The following STAG1 variants were observed in gnomAD, a reference collection of about 807,000 sequenced individuals.
STAG1 encodes STAG1 cohesin complex component.
STAG1 carries 26 observed loss-of-function variants against 170.9 expected under a neutral mutation model. The observed-to-expected ratio is 0.15, with a 90% CI of 0.11 to 0.21. The LOEUF (loss-of-function observed/expected upper bound fraction) is 0.21. Ranked by LOEUF, STAG1 falls within the 10% of genes least tolerant of loss-of-function variation. The pLI, the probability that STAG1 is intolerant of heterozygous loss-of-function variation, is 1.00. For synonymous variants in STAG1, 514 were observed against 497.7 expected, an observed-to-expected ratio of 1.03 and a Z score of -0.44; for missense variants, 964 against 1,509.5, an observed-to-expected ratio of 0.64 and a Z score of 5.99.
intron 1 of STAG1, among the ~76,000 whole-genome samples, chr3:136,733,038 T>C (rs538374303): frequency 5.5e-4 from 83 of 152,190 alleles, no homozygotes; most frequent in Non-Finnish European, 1.1e-3. Flanking sequence ...ATAAATGATC[T>C]TTGGATCTAT....
intron 13 of STAG1, among the ~76,000 whole-genome samples, chr3:136,464,490 G>A (rs909107487): frequency 1.3e-5 from 2 of 151,636 alleles, no homozygotes; most frequent in Non-Finnish European, 2.9e-5. Context: ...AAATTTGGAA[G>A]GCATTTTAAA....
At chr3:136,693,787 T>C (rs1942799978) in intron 1 of STAG1, among the ~76,000 whole-genome samples, 1 of 151,930 alleles carries the variant, frequency 6.6e-6, no homozygotes, top group African/African-American at 2.4e-5. Context: ...CAGGCTGGTA[T>C]CAAATTCCCA....
chr3:136,691,350 G>C (rs553985033), intron 1 of STAG1, among the ~76,000 whole-genome samples: 1 of 151,810 alleles, frequency 6.6e-6, no homozygotes. Context: ...CAGAAGAATG[G>C]CATGAACCAG....
chr3:136,382,001 T>C (rs1937993764), intron 22 of STAG1, among the ~76,000 whole-genome samples: 1 of 152,220 alleles, frequency 6.6e-6, no homozygotes, highest in Admixed American at 6.5e-5. Flanking sequence ...ATATAGTAGA[T>C]ATTTAATAAA....
chr3:136,375,261 A>C (rs1193052405), intron 23 of STAG1, among the ~76,000 whole-genome samples: 1 of 152,236 alleles, frequency 6.6e-6, no homozygotes, highest in Non-Finnish European at 1.5e-5. Flanking sequence ...CTTTGAATAC[A>C]TTTGTACACA....
intron 4 of STAG1, among the ~76,000 whole-genome samples, chr3:136,569,979 G>T (rs1002496406): frequency 6.6e-6 from 1 of 152,110 alleles, no homozygotes; most frequent in African/African-American, 2.4e-5. Context: ...CAGTGGGCAG[G>T]ATTGTTTGAG....
At chr3:136,651,637 C>T (rs537071894) in intron 1 of STAG1, among the ~76,000 whole-genome samples, 75 of 152,084 alleles carry the variant, frequency 4.9e-4, no homozygotes, top group Non-Finnish European at 3.2e-4. Context: ...ATATTTCCAA[C>T]TTTCTCTCTC....
intron 1 of STAG1, among the ~76,000 whole-genome samples, chr3:136,657,139 T>C (rs149149884): frequency 1.9e-3 from 279 of 150,404 alleles, no homozygotes; most frequent in East Asian, 4.9e-3. Context: ...AAGTGGCCAG[T>C]GTATAGATGC....
chr3:136,466,374 A>C (rs996618591), intron 12 of STAG1, among the ~76,000 whole-genome samples: 2 of 152,214 alleles, frequency 1.3e-5, no homozygotes, highest in African/African-American at 4.8e-5. Context: ...TTCAGTAGCC[A>C]ATTCGATCAA....
chr3:136,733,084 C>CTT lies in STAG1; in HGVS notation c.-84+19109_-84+19110dup, dbSNP rs55935142. Among the ~76,000 whole-genome samples the CTT allele has an allele frequency of 5.5e-3, 704 of 128,286 alleles. 8 individuals are homozygous for CTT. Among genetic ancestry groups the CTT allele is most frequent in the African/African-American group, 0.019 (648 of 34,758 alleles). The allele number at this position is 128,286 out of a possible 152,430, so 84.2% of individuals were successfully genotyped here. On this transcript the variant is annotated intron_variant, in intron 1 of 33. Transcript: ENST00000383202. ...ATATAGTCTAGTGGTTAAAACCTAACTTTTTTTTTTTTTTTTTTTTGAGAC... is the reference window on the plus strand; with the variant it reads ...ATATAGTCTAGTGGTTAAAACCTAACTTTTTTTTTTTTTTTTTTTTTTGAGAC...
intron 24 of STAG1, 40 bp downstream of exon 24, chr3:136,369,067 TA>T (rs372707522): frequency 2.6e-4 from 353 of 1,377,394 alleles, no homozygotes; most frequent in South Asian, 1.0e-3. Flanking sequence ...TTGGGGTTGG[TA>T]AAAAAAAATC....
At chr3:136,433,711 T>A (rs113737183) in intron 15 of STAG1, 52 bp from the exon 16 acceptor site, 2 of 1,250,036 alleles carry the variant, frequency 1.6e-6, no homozygotes, top group Non-Finnish European at 2.3e-6. Context: ...ACAACAACCA[T>A]GTATTAAAAA....
At chr3:136,747,758 G>A (rs564660231) in intron 1 of STAG1, among the ~76,000 whole-genome samples, 1 of 151,468 alleles carries the variant, frequency 6.6e-6, no homozygotes, top group South Asian at 2.1e-4. Flanking sequence ...AGGCATCAAA[G>A]AATGGCAAGA....
intron 4 of STAG1, among the ~76,000 whole-genome samples, chr3:136,574,836 T>C (rs180850869): frequency 2.1e-3 from 317 of 152,288 alleles, no homozygotes; most frequent in African/African-American, 6.8e-3. Context: ...AACTAATACA[T>C]AAAACTTAAC....
intron 1 of STAG1, among the ~76,000 whole-genome samples, chr3:136,668,241 A>T (rs1941860174): frequency 2.0e-5 from 3 of 148,578 alleles, no homozygotes; most frequent in Admixed American, 6.8e-5. Flanking sequence ...TCAAATATAT[A>T]TATATATAAA....
chr3:136,576,223 A>G (rs574620766), intron 4 of STAG1, among the ~76,000 whole-genome samples: 1 of 152,340 alleles, frequency 6.6e-6, no homozygotes, highest in East Asian at 1.9e-4. Context: ...TGCTTCTGAC[A>G]TCAAATGCAC....
intron 1 of STAG1, among the ~76,000 whole-genome samples, chr3:136,656,617 T>TGTGTG (rs1941381695): frequency 1.2e-4 from 17 of 143,390 alleles, no homozygotes; most frequent in South Asian, 6.6e-4. Flanking sequence ...CTGTATTTAT[T>TGTGTG]TGTGTGTGTG....
intron 6 of STAG1, among the ~76,000 whole-genome samples, chr3:136,525,381 G>A (rs550607208): frequency 2.6e-4 from 40 of 152,224 alleles, no homozygotes; most frequent in South Asian, 1.7e-3. Flanking sequence ...GTTTATTTGC[G>A]TAGAGGTGTT....
intron 4 of STAG1, among the ~76,000 whole-genome samples, chr3:136,578,278 T>C (rs563866411): frequency 2.0e-5 from 3 of 152,250 alleles, no homozygotes; most frequent in East Asian, 3.9e-4. Flanking sequence ...AAATTGTCTA[T>C]AAAGGGCAGT....
Sources: allele counts gnomAD v4.1 joint callset (sites outside exome capture counted in the v4.1 genomes callset), GRCh38; gene constraint gnomAD v4.1.1; transcripts MANE v1.5; gene names NCBI Gene and HGNC (gene_info 2026-07-23, HGNC 2026-07-21).